PNPLA6: variants seen among roughly 807,000 people sequenced by gnomAD.
PNPLA6 encodes patatin-like phospholipase domain-containing protein 6.
A neutral mutation model predicts 153.7 loss-of-function variants in PNPLA6; 105 were observed. The observed-to-expected ratio is 0.68, with a 90% confidence interval of 0.58 to 0.80. PNPLA6 has a LOEUF of 0.80. Among genes scored for constraint, PNPLA6 ranks in the 30% least tolerant of loss-of-function variants. PNPLA6 has a pLI of 0.00. For missense variants in PNPLA6, 1,423 were observed against 1,919.3 expected (o/e 0.74, Z 4.83); for synonymous variants, 825 against 822.2 (o/e 1.00, Z -0.06).
chr19:7,554,645 C>T lies in PNPLA6; in HGVS notation c.2556C>T (p.Pro852=), dbSNP rs750523008. ...ACCAGACGGACGCCTCGCTGACGCC[C>T]TGGACCGTGCGCTGCCTGCGACAGG... is the stretch of plus-strand genomic sequence containing the variant. ...VLYQTDASLT[P]WTVRCLRQAD... is the part of the protein sequence containing the mutation. The change falls in exon 21 of 32, where the codon CCC becomes CCT. Residue 852 remains proline, a synonymous_variant. Transcript: ENST00000600737. 5 of 1,614,088 alleles carry T rather than the reference C, an allele frequency of 3.1e-6. No homozygotes were observed. Among genetic ancestry groups the T allele is most frequent in the Non-Finnish European group, 3.4e-6 (4 of 1,180,018 alleles).
chr19:7,557,419 T>C, intron 27 of PNPLA6, 135 bp downstream of exon 27: 1 of 703,044 alleles, frequency 1.4e-6, no homozygotes, highest in Non-Finnish European at 2.6e-6. Context: ...CAGACACACA[T>C]GCGCACACAT....
intron 13 of PNPLA6, among the ~76,000 whole-genome samples, chr19:7,543,542 A>T (rs501580): frequency 0.34 from 51,478 of 152,122 alleles, 9,273 homozygotes; most frequent in African/African-American, 0.42. Context: ...GGCACCCAGG[A>T]TGTGTAGGAA....
intron 13 of PNPLA6, among the ~76,000 whole-genome samples, chr19:7,544,166 C>T (rs2023285712): frequency 6.7e-6 from 1 of 150,272 alleles, no homozygotes; most frequent in South Asian, 2.1e-4. Flanking sequence ...GGCTGGAGTG[C>T]AGTGGCACAA....
chr19:7,549,496 T>TCTTC (rs59753320), intron 13 of PNPLA6, among the ~76,000 whole-genome samples: 5 of 127,604 alleles, frequency 3.9e-5, no homozygotes, highest in African/African-American at 5.7e-5. Flanking sequence ...TTCTTCTTCT[T>TCTTC]TTTTTTTTTA....
In PNPLA6 at chr19:7,541,078, C is replaced by T; in HGVS notation, c.924+27C>T. ...TCAGTGGGCCTTCGCCTCCTGTCACCCCCTGAGGGACCCCACCCTGGCCCC... is the reference window on the plus strand; with the variant it reads ...TCAGTGGGCCTTCGCCTCCTGTCACTCCCTGAGGGACCCCACCCTGGCCCC... On this transcript the variant is annotated intron_variant, in intron 7 of 31. Coordinates refer to ENST00000600737, the MANE Select transcript of PNPLA6 (RefSeq NM_001166114.2). This position sits in a 1 kb window ranked among gnomAD's most constrained non-coding sequence, Gnocchi z 5.2. 3.7e-6 allele frequency: 6 copies of T among 1,602,430 alleles called. No homozygotes were observed. The highest frequency in any genetic ancestry group is 5.1e-6 in the Non-Finnish European group (6 of 1,175,790).
intron 18 of PNPLA6, among the ~76,000 whole-genome samples, chr19:7,552,510 C>T (rs980646023): frequency 2.6e-5 from 4 of 152,178 alleles, no homozygotes; most frequent in South Asian, 2.1e-4. Flanking sequence ...AATCTCAGCA[C>T]TTTGTGAGGC....
Position 7,555,136 on chromosome 19 carries a change from C to T in PNPLA6, c.2817+61C>T. The stretch of plus-strand genomic sequence containing the variant: ...TGGCTGGTGGGCGAGGCTTGGGAGA[C>T]TGGGGCGGGGCCTGGGAGGGCTGAG... On this transcript the variant is annotated intron_variant, in intron 22 of 31. Coordinates refer to ENST00000600737, the MANE Select transcript of PNPLA6 (RefSeq NM_001166114.2). The surrounding 1 kb of genome is among the most constrained non-coding windows in gnomAD (Gnocchi z 6.3). 4.5e-6 allele frequency: 7 copies of T among 1,558,696 alleles called. No homozygotes were observed. Among genetic ancestry groups the T allele is most frequent in the Admixed American group, 1.8e-5 (1 of 54,358 alleles).
At chr19:7,551,884 GAGCCC>G (rs2023669284) in intron 18 of PNPLA6, among the ~76,000 whole-genome samples, 1 of 152,076 alleles carries the variant, frequency 6.6e-6, no homozygotes, top group African/African-American at 2.4e-5. Context: ...AGGATCGCTT[GAGCCC>G]AGGAGATTGA....
In PNPLA6 at chr19:7,556,414, G is replaced by A. The variant is rs764185335; in HGVS notation, c.3094-39G>A. 9 of 1,247,126 alleles carry A rather than the reference G, an allele frequency of 7.2e-6. No homozygotes were observed. In the Middle Eastern group the frequency reaches 5.6e-4, roughly 77 times the overall value. 77.3% of individuals were successfully genotyped at this position (1,247,126 alleles called of 1,614,324 possible). A position where few individuals can be genotyped will look rare whatever the true frequency, so the allele number is the denominator to read the frequency against. ...TGATGAACCTTATCTGTGACCCCAT[G>A]TAACTCCTATTTGACCCTGTCTGGC... On this transcript the variant is annotated intron_variant, in intron 24 of 31. Coordinates refer to ENST00000600737, the MANE Select transcript of PNPLA6 (RefSeq NM_001166114.2).
In PNPLA6 at chr19:7,551,029, G is replaced by T. The variant is rs1280608611; in HGVS notation, c.2106G>T (p.Thr702=). ...TGACCCGGCAGCCGCGAGCCACGAC[G>T]GTGCACGCGGTGCGCGACACGGAGC... The part of the protein sequence containing the change: ...EALTRQPRAT[T]VHAVRDTELA... The change falls in exon 17 of 32, where the codon ACG becomes ACT. Residue 702 remains threonine, a synonymous_variant. Coordinates refer to ENST00000600737, the MANE Select transcript of PNPLA6 (RefSeq NM_001166114.2). The T allele has an allele frequency of 3.2e-6, 5 of 1,548,654 alleles. No homozygotes were observed. The highest frequency in any genetic ancestry group is 3.5e-6 in the Non-Finnish European group (4 of 1,146,708).
chr19:7,557,111 C>A, intron 26 of PNPLA6, 57 bp from the exon 27 acceptor site: 1 of 1,336,966 alleles, frequency 7.5e-7, no homozygotes, highest in Non-Finnish European at 1.1e-6. Flanking sequence ...CCGGCTGGGC[C>A]TCCGGCGTGT....
In PNPLA6 at chr19:7,536,280, C is replaced by T. The variant is rs754955851; in HGVS notation, c.315+7C>T. 2 of 1,609,518 alleles carry T rather than the reference C, an allele frequency of 1.2e-6. No individual in the cohort carries two copies. The highest frequency in any genetic ancestry group is 1.3e-5 in the African/African-American group (1 of 74,812). On this transcript the variant is annotated splice_region_variant and intron_variant, in intron 2 of 31. Transcript: ENST00000600737. ...CCGGAAGATTATGCGGAAGGTGAGT[C>T]CGGGACCCCTGGGGTCCGCCCTGAC...
At chr19:7,551,301 G>C in intron 17 of PNPLA6, 61 bp from the exon 18 acceptor site, 1 of 1,517,280 alleles carries the variant, frequency 6.6e-7, no homozygotes, top group Non-Finnish European at 9.2e-7. Flanking sequence ...AGGAGGGAGA[G>C]GTGGGACCTG....
At chr19:7,545,742 T>A (rs1156436808) in intron 13 of PNPLA6, among the ~76,000 whole-genome samples, 1 of 151,824 alleles carries the variant, frequency 6.6e-6, no homozygotes, top group East Asian at 1.9e-4. Flanking sequence ...TGAAACCCCA[T>A]TTCTACTAAA....
rs540275991 is a variant in PNPLA6, at chr19:7,549,850, T to A, written c.1609-57T>A. Reference sequence around the variant, plus strand: ...TTTTTCCTGTGGGGGCATGTTGACCTGAGCTGGGGTCCACGCTGTCCGGGT... The same window carrying A: ...TTTTTCCTGTGGGGGCATGTTGACCAGAGCTGGGGTCCACGCTGTCCGGGT... On this transcript the variant is annotated intron_variant, in intron 13 of 31. Coordinates refer to ENST00000600737, the MANE Select transcript of PNPLA6 (RefSeq NM_001166114.2). 1.6e-4 allele frequency: 248 copies of A among 1,544,174 alleles called. 2 individuals carry two copies. The South Asian group carries it at 2.7e-3, about 17-fold the overall frequency.
chr19:7,556,222 C>T (rs753156497), intron 24 of PNPLA6, among the ~76,000 whole-genome samples: 6 of 151,856 alleles, frequency 4.0e-5, no homozygotes, highest in Non-Finnish European at 7.4e-5. Context: ...CCCACCAGCC[C>T]GGCAAATTTT....
chr19:7,541,706 G>GGGAC lies in PNPLA6; in HGVS notation c.1168+22_1168+23insGGAC. On this transcript the variant is annotated intron_variant, in intron 9 of 31. Coordinates refer to ENST00000600737, the MANE Select transcript of PNPLA6 (RefSeq NM_001166114.2). This position sits in a 1 kb window ranked among gnomAD's most constrained non-coding sequence, Gnocchi z 5.2. The stretch of plus-strand genomic sequence containing the variant: ...ACAGGTACCCAGGGACCCGAGGCCA[G>GGGAC]CCGAGCCCAATCTCCCAGGAAGCCC... 6.4e-7 allele frequency: 1 copy of GGGAC among 1,555,616 alleles called. No individual in the cohort carries two copies. Among genetic ancestry groups the GGGAC allele is most frequent in the Non-Finnish European group, 8.7e-7 (1 of 1,154,506 alleles).
intron 27 of PNPLA6, 143 bp from the exon 28 acceptor site, chr19:7,558,707 G>A (rs945449321): frequency 1.5e-6 from 1 of 660,938 alleles, no homozygotes; most frequent in Non-Finnish European, 2.7e-6. Context: ...GTCTGTGCAT[G>A]ACAGCATGGT....
Position 7,555,360 on chromosome 19 carries a change from G to A in PNPLA6, c.2929G>A (p.Gly977Arg), listed in dbSNP as rs1161640444. Reference sequence around the variant, plus strand: ...CATTGCCCTTGTGCTAGGCGGGGGCGGGGCCAGGTGAGGGCGGGGCTTGCT... The same window carrying A: ...CATTGCCCTTGTGCTAGGCGGGGGCAGGGCCAGGTGAGGGCGGGGCTTGCT... ...NTIALVLGGG[G>R]ARGCSHIGVL... is the part of the protein sequence containing the mutation. Residue 977 changes from glycine (G) to arginine (R), a missense_variant, in exon 23 of 32, where the codon GGG (glycine) becomes AGG (arginine). Gly to Arg is a moderately radical substitution (Grantham distance 125). Coordinates refer to ENST00000600737, the MANE Select transcript of PNPLA6 (RefSeq NM_001166114.2). This position sits in a 1 kb window ranked among gnomAD's most constrained non-coding sequence, Gnocchi z 6.3. 1 of 1,546,178 alleles carries A rather than the reference G, an allele frequency of 6.5e-7. No individual in the cohort carries two copies. The highest frequency in any genetic ancestry group is 8.8e-7 in the Non-Finnish European group (1 of 1,142,360).
Sources: allele counts gnomAD v4.1 joint callset (sites outside exome capture counted in the v4.1 genomes callset), GRCh38; gene constraint gnomAD v4.1.1; non-coding constraint Gnocchi (gnomAD v3.1); transcripts MANE v1.5; gene names NCBI Gene and HGNC (gene_info 2026-07-23, HGNC 2026-07-21).